Variants in ATP2A2 observed in about 807,000 individuals in gnomAD.
The protein encoded by ATP2A2 is ATPase sarcoplasmic/endoplasmic reticulum Ca2+ transporting 2.
A neutral mutation model predicts 109.3 loss-of-function variants in ATP2A2; 14 were observed. The ratio of observed to expected loss-of-function variants is 0.13; its 90% CI spans 0.08 to 0.20. The LOEUF is 0.20. Ranked by LOEUF, ATP2A2 falls within the 10% of genes least tolerant of loss-of-function variation. ATP2A2 has a pLI of 1.00. For missense variants in ATP2A2, 657 were observed against 1,321.6 expected (o/e 0.50, Z 7.80); for synonymous variants, 506 against 490.9 (o/e 1.03, Z -0.41).
intron 4 of ATP2A2, among the ~76,000 whole-genome samples, chr12:110,293,377 TTTTTTTTTTTTG>T (rs1206683165): frequency 4.2e-5 from 5 of 118,946 alleles, no homozygotes; most frequent in East Asian, 4.6e-4. Flanking sequence ...CTTTTTTTTT[TTTTTTTTTTTTG>T]TTTGTTTGTT....
intron 5 of ATP2A2, among the ~76,000 whole-genome samples, chr12:110,308,441 T>G (rs932094776): frequency 6.6e-6 from 1 of 152,206 alleles, no homozygotes; most frequent in African/African-American, 2.4e-5. Context: ...TTTCATGGTG[T>G]TTGTAAACTT....
chr12:110,293,385 TTTTGTTTG>T (rs1223120062), intron 4 of ATP2A2, among the ~76,000 whole-genome samples: 6 of 114,376 alleles, frequency 5.2e-5, no homozygotes, highest in East Asian at 4.9e-4. Flanking sequence ...TTTTTTTTTT[TTTTGTTTG>T]TTTGTTTGTT....
intron 18 of ATP2A2, 175 bp from the exon 19 acceptor site, chr12:110,345,826 G>A (rs1364041440): frequency 2.8e-6 from 2 of 705,964 alleles, no homozygotes; most frequent in Admixed American, 2.0e-5. Context: ...TTCACAGTTT[G>A]TCCTGCATTA....
At chr12:110,343,798 CCT>C (rs1223490250) in intron 16 of ATP2A2, among the ~76,000 whole-genome samples, 3 of 152,070 alleles carry the variant, frequency 2.0e-5, no homozygotes, top group African/African-American at 4.8e-5. Flanking sequence ...AAATTTAGTC[CCT>C]GTTTCCATAA....
intron 11 of ATP2A2, among the ~76,000 whole-genome samples, chr12:110,335,586 T>C (rs531830857): frequency 6.6e-6 from 1 of 152,308 alleles, no homozygotes; most frequent in East Asian, 1.9e-4. Context: ...GCCAAAGTGG[T>C]AGATGATTGC....
rs141865694 is a variant in ATP2A2, at chr12:110,333,035, C to T, written c.1185-146C>T. ...CTTTTGTTTTTGTCTAATATTGGCT[C>T]TGGCATCAAATTGTTTGGAATTTTT... On this transcript the variant is annotated intron_variant, in intron 9 of 19. Coordinates refer to ENST00000539276, the MANE Select transcript of ATP2A2 (RefSeq NM_170665.4). The T allele has an allele frequency of 1.2e-5, 9 of 757,192 alleles. No homozygotes were observed. The African/African-American group carries it at 1.6e-4, about 13-fold the overall frequency. The allele number at this position is 757,192 out of a possible 1,614,324, so 46.9% of individuals were successfully genotyped here.
Position 110,350,702 on chromosome 12 carries a change from G to A in ATP2A2, c.*4232G>A. 3.9e-6 allele frequency: 1 copy of A among 257,860 alleles called. No individual in the cohort carries two copies. Among genetic ancestry groups the A allele is most frequent in the Non-Finnish European group, 7.5e-6 (1 of 132,806 alleles). 16.0% of individuals were successfully genotyped at this position (257,860 alleles called of 1,614,324 possible). A position where few individuals can be genotyped will look rare whatever the true frequency, so the allele number is the denominator to read the frequency against. ...TAATGCATGCCTTCGGTTGTAAGTAGCCAGATCCCTCTCCAGTGACATTGG... is the reference window on the plus strand; with the variant it reads ...TAATGCATGCCTTCGGTTGTAAGTAACCAGATCCCTCTCCAGTGACATTGG... On this transcript the variant is annotated 3_prime_UTR_variant, in exon 20 of 20. Coordinates refer to ENST00000539276, the MANE Select transcript of ATP2A2 (RefSeq NM_170665.4).
Position 110,335,483 on chromosome 12 carries a change from T to G in ATP2A2, c.1419+1340T>G, listed in dbSNP as rs528006546. On this transcript the variant is annotated intron_variant, in intron 11 of 19. Coordinates refer to ENST00000539276, the MANE Select transcript of ATP2A2 (RefSeq NM_170665.4). The stretch of plus-strand genomic sequence containing the variant: ...GTTTAGGTTGCAGCATCACTGCACT[T>G]GAGCCTGGGCAACAGAGTCAGACCC... 2.0e-5 allele frequency among the ~76,000 whole-genome samples: 3 copies of G among 152,260 alleles called. No homozygotes were observed. In the East Asian group the frequency reaches 5.8e-4, roughly 29 times the overall value.
At chr12:110,293,871 T>TG (rs1491495436) in intron 4 of ATP2A2, among the ~76,000 whole-genome samples, 2 of 79,522 alleles carry the variant, frequency 2.5e-5, no homozygotes, top group African/African-American at 1.2e-4. Flanking sequence ...TGTGTATATA[T>TG]TTTTTTTTTT....
chr12:110,316,958 G>T (rs1335469463), intron 5 of ATP2A2, among the ~76,000 whole-genome samples: 1 of 152,132 alleles, frequency 6.6e-6, no homozygotes, highest in Admixed American at 6.5e-5. Context: ...AGGAGATCAC[G>T]TTTGCCATTT....
chr12:110,307,212 GC>G (rs1354250541), intron 5 of ATP2A2, among the ~76,000 whole-genome samples: 1 of 137,908 alleles, frequency 7.3e-6, no homozygotes, highest in Non-Finnish European at 1.5e-5. Flanking sequence ...GTTCCCCCCA[GC>G]CCCACCACCT....
chr12:110,297,559 C>T (rs772692623), intron 5 of ATP2A2, among the ~76,000 whole-genome samples: 1 of 152,000 alleles, frequency 6.6e-6, no homozygotes, highest in Non-Finnish European at 1.5e-5. Context: ...CCAGAATGCT[C>T]CACAGACCTC....
At chr12:110,333,887 TA>T (rs1878578179) in intron 10 of ATP2A2, 124 bp from the exon 11 acceptor site, 2 of 1,267,018 alleles carry the variant, frequency 1.6e-6, no homozygotes, top group Non-Finnish European at 2.2e-6. Flanking sequence ...CAGAGGAGGA[TA>T]AAAATGGCCT....
At chr12:110,294,588 G>A (rs565294904) in intron 4 of ATP2A2, among the ~76,000 whole-genome samples, 2 of 152,030 alleles carry the variant, frequency 1.3e-5, no homozygotes, top group Non-Finnish European at 2.9e-5. Flanking sequence ...GGCGGAGTTT[G>A]CAGTGAGCCG....
At position 110,349,883 on chromosome 12, in the gene ATP2A2, C is replaced by T. The variant is rs577088030; in HGVS notation, c.*3413C>T. 14 of 1,060,128 alleles carry T rather than the reference C, an allele frequency of 1.3e-5. No individual in the cohort carries two copies. In the South Asian group the frequency reaches 2.4e-4, roughly 18 times the overall value. 65.7% of individuals were successfully genotyped at this position (1,060,128 alleles called of 1,614,324 possible). A position where few individuals can be genotyped will look rare whatever the true frequency, so the allele number is the denominator to read the frequency against. ...GCAAGGCAGGCGAGCAGCCAGAAGCCGGGTGCCCACAGGGCAGGGACAGGA... is the reference window on the plus strand; with the variant it reads ...GCAAGGCAGGCGAGCAGCCAGAAGCTGGGTGCCCACAGGGCAGGGACAGGA... On this transcript the variant is annotated 3_prime_UTR_variant, in exon 20 of 20. Transcript: ENST00000539276.
chr12:110,290,810 GC>G (rs919403583), intron 3 of ATP2A2, among the ~76,000 whole-genome samples: 46 of 151,980 alleles, frequency 3.0e-4, no homozygotes, highest in Admixed American at 1.4e-3. Flanking sequence ...CACCTTGTTG[GC>G]CAGGGTGGTC....
At position 110,342,093 on chromosome 12, in the gene ATP2A2, A is replaced by T; in HGVS notation, c.2098-135A>T. The T allele has an allele frequency of 9.9e-7, 1 of 1,014,546 alleles. No homozygotes were observed. Among genetic ancestry groups the T allele is most frequent in the Non-Finnish European group, 1.5e-6 (1 of 662,900 alleles). The allele number at this position is 1,014,546 out of a possible 1,614,324, so 62.8% of individuals were successfully genotyped here. On this transcript the variant is annotated intron_variant, in intron 14 of 19. Transcript: ENST00000539276. The surrounding 1 kb of genome is among the most constrained non-coding windows in gnomAD (Gnocchi z 4.6). ...TTTTGTGACACCAACTTATGAAACA[A>T]AAATTCTAAAACTCTTTGCCAAGAG...
chr12:110,328,095 T>C, intron 8 of ATP2A2, 78 bp downstream of exon 8: 1 of 1,417,878 alleles, frequency 7.1e-7, no homozygotes, highest in African/African-American at 1.4e-5. Flanking sequence ...CCATCAAAAC[T>C]TTTGATTTGT....
rs3026439 is a variant in ATP2A2 at position 110,284,030 on chromosome 12, T to C, written c.219+1235T>C. ...ACTTTATTATGCCATATTAGCCAAG[T>C]ATTGTGTAGCCATTAATAATTCAGT... On this transcript the variant is annotated intron_variant, in intron 3 of 19. Transcript: ENST00000539276. 5.4e-3 allele frequency among the ~76,000 whole-genome samples: 829 copies of C among 152,346 alleles called. 5 individuals carry two copies. The highest frequency in any genetic ancestry group is 7.1e-3 in the Non-Finnish European group (483 of 68,036).
Sources: allele counts gnomAD v4.1 joint callset (sites outside exome capture counted in the v4.1 genomes callset), GRCh38; gene constraint gnomAD v4.1.1; non-coding constraint Gnocchi (gnomAD v3.1); transcripts MANE v1.5; gene names NCBI Gene and HGNC (gene_info 2026-07-23, HGNC 2026-07-21).